SETD3: variants seen among roughly 807,000 people sequenced by gnomAD.
SETD3 encodes SET domain containing 3, actin N3(tau)-histidine methyltransferase, also known as actin-histidine N-methyltransferase.
Under a neutral mutation model 63.0 loss-of-function variants are expected in SETD3, and 19 were observed. That is an observed-to-expected ratio of 0.30 (90% CI 0.21 to 0.44). The LOEUF is 0.44. SETD3 is among the 20% of genes least tolerant of loss of function. The probability of loss-of-function intolerance (pLI) is 1.00; values close to 1 mark genes in which losing one functional copy is unlikely to be tolerated. For synonymous variants in SETD3, 286 were observed against 264.1 expected, an observed-to-expected ratio of 1.08 and a Z score of -0.80; for missense variants, 587 against 728.5, an observed-to-expected ratio of 0.81 and a Z score of 2.24.
At chr14:99,481,129 C>T (rs1247672931), upstream of SETD3, 1 of 312,034 alleles carries the variant, frequency 3.2e-6, no homozygotes, top group Non-Finnish European at 5.8e-6. Context: ...GAATCTCGAC[C>T]CGGGCCCCGC....
At chr14:99,418,454 GATCA>G (rs1271840913) in intron 6 of SETD3, among the ~76,000 whole-genome samples, 1 of 152,110 alleles carries the variant, frequency 6.6e-6, no homozygotes, top group African/African-American at 2.4e-5. Flanking sequence ...GCAAGGATGA[GATCA>G]GTCACAAACT....
At position 99,399,110 on chromosome 14, in the gene SETD3, A is replaced by C. The variant is rs1480528499; in HGVS notation, c.1354T>G (p.Leu452Val). The C allele has an allele frequency of 1.2e-6, 2 of 1,613,458 alleles. No homozygotes were observed. Among genetic ancestry groups the C allele is most frequent in the South Asian group, 2.2e-5 (2 of 91,050 alleles). Residue 452 changes from leucine to valine, a missense_variant, in exon 13 of 13, where the codon TTG becomes GTG. Physicochemically the swap from Leu to Val is conservative, Grantham distance 32. Coordinates refer to ENST00000331768, the MANE Select transcript of SETD3 (RefSeq NM_032233.3). ...KTTIEEDKSV[L>V]KNHDLSVRAK... ...CGAACAGAAAGATCGTGGTTTTTCA[A>C]GACGGATTTATCTTCCTGGAAAACA... is the stretch of plus-strand genomic sequence containing the variant.
intron 6 of SETD3, among the ~76,000 whole-genome samples, chr14:99,416,825 AAC>A (rs1424668330): frequency 1.3e-5 from 2 of 152,182 alleles, no homozygotes; most frequent in African/African-American, 4.8e-5. Context: ...TGGAGAAATG[AAC>A]CATTGCCGTG....
upstream of SETD3, chr14:99,481,194 C>T (rs1474971371): frequency 2.6e-6 from 1 of 388,592 alleles, no homozygotes. Flanking sequence ...CCTTTTCGCC[C>T]CGAGGGGCGG....
intron 11 of SETD3, among the ~76,000 whole-genome samples, chr14:99,400,952 C>A (rs1891356710): frequency 6.6e-6 from 1 of 152,126 alleles, no homozygotes; most frequent in Non-Finnish European, 1.5e-5. Flanking sequence ...CCAACCTGGG[C>A]AATGTGGCGA....
At chr14:99,450,916 C>A (rs1425327899) in intron 6 of SETD3, among the ~76,000 whole-genome samples, 1 of 152,184 alleles carries the variant, frequency 6.6e-6, no homozygotes, top group African/African-American at 2.4e-5. Flanking sequence ...GTACATGTCT[C>A]TAAGATAAGC....
intron 8 of SETD3, chr14:99,411,341 AG>A (rs1279553372): frequency 2.6e-5 from 4 of 152,162 alleles, no homozygotes; most frequent in African/African-American, 9.7e-5. Context: ...GTAGGGAAAA[AG>A]GAATTGTTTT....
At chr14:99,450,855 C>T (rs1894419035) in intron 6 of SETD3, among the ~76,000 whole-genome samples, 1 of 152,144 alleles carries the variant, frequency 6.6e-6, no homozygotes, top group African/African-American at 2.4e-5. Context: ...ACCCTGTATG[C>T]CTGCATTTAC....
chr14:99,463,645 G>C, intron 2 of SETD3, 67 bp from the exon 3 acceptor site: 1 of 1,299,170 alleles, frequency 7.7e-7, no homozygotes, highest in South Asian at 1.2e-5. Flanking sequence ...GTCTGCACAA[G>C]AAAGAGGATT....
chr14:99,439,905 C>T (rs1893703332), intron 6 of SETD3, among the ~76,000 whole-genome samples: 1 of 152,064 alleles, frequency 6.6e-6, no homozygotes, highest in South Asian at 2.1e-4. Flanking sequence ...CATCCTCTCA[C>T]TTCAGTCTGC....
At chr14:99,441,207 C>T (rs1893791937) in intron 6 of SETD3, among the ~76,000 whole-genome samples, 1 of 152,204 alleles carries the variant, frequency 6.6e-6, no homozygotes, top group African/African-American at 2.4e-5. Context: ...TGGGGTGTGG[C>T]GGATGGGCTG....
Position 99,405,295 on chromosome 14 carries a change from TG to T in SETD3, c.1000del (p.His334ThrfsTer4). The stretch of plus-strand genomic sequence containing the variant: ...TCCAAGCTTTATTTTCACTCTGTCG[TG>T]TGAGTTATTGTCAAAGAAAAAACCA... ...HSGFFFDNNS[H>X]DRVKIKLGVS... On this transcript the variant is annotated frameshift_variant, in exon 10 of 13. Transcript: ENST00000331768. LOFTEE classifies it high-confidence loss of function. 1 of 1,614,204 alleles carries T rather than the reference TG, an allele frequency of 6.2e-7. No homozygotes were observed. Among genetic ancestry groups the T allele is most frequent in the Non-Finnish European group, 8.5e-7 (1 of 1,180,016 alleles).
intron 6 of SETD3, among the ~76,000 whole-genome samples, chr14:99,430,747 G>A (rs532398912): frequency 2.6e-5 from 4 of 152,146 alleles, no homozygotes; most frequent in Admixed American, 6.5e-5. Flanking sequence ...GAGCCCAGGC[G>A]CCACCTTCTC....
At chr14:99,470,465 G>C (rs1425741610) in intron 1 of SETD3, among the ~76,000 whole-genome samples, 2 of 152,202 alleles carry the variant, frequency 1.3e-5, no homozygotes, top group Non-Finnish European at 2.9e-5. Context: ...TGGGGGCAGG[G>C]GGGCTGCCTA....
intron 6 of SETD3, among the ~76,000 whole-genome samples, chr14:99,437,069 C>T (rs1893524197): frequency 6.6e-6 from 1 of 152,226 alleles, no homozygotes; most frequent in African/African-American, 2.4e-5. Flanking sequence ...TTATCACCAA[C>T]TAGGTATGAA....
intron 4 of SETD3, among the ~76,000 whole-genome samples, chr14:99,459,979 G>C (rs528684572): frequency 6.6e-6 from 1 of 152,286 alleles, no homozygotes; most frequent in South Asian, 2.1e-4. Context: ...CCCCACAAAA[G>C]CACATAGTGA....
At chr14:99,471,145 G>GA (rs970620390) in intron 1 of SETD3, among the ~76,000 whole-genome samples, 2 of 151,692 alleles carry the variant, frequency 1.3e-5, no homozygotes, top group Non-Finnish European at 2.9e-5. Flanking sequence ...TCTTGTGGCA[G>GA]AAAAAAAACC....
rs1891211476 is a variant in SETD3, at chr14:99,398,683, T to A, written c.1781A>T (p.Glu594Val). ...CCCATCCAGCTTCACCTCGAGCTAC[T>A]CCTTAACTCCAGCAGTGCTGTCTGA... Reference protein sequence around the residue: ...SSSDSTAGVKE With the variant: ...SSSDSTAGVKV Residue 594 changes from glutamate to valine, a missense_variant, in exon 13 of 13, where the codon GAG becomes GTG. Coordinates refer to ENST00000331768, the MANE Select transcript of SETD3 (RefSeq NM_032233.3). 6.2e-7 allele frequency: 1 copy of A among 1,612,306 alleles called. No individual in the cohort carries two copies. The highest frequency in any genetic ancestry group is 1.3e-5 in the African/African-American group (1 of 74,824).
At chr14:99,430,705 T>C (rs1893126163) in intron 6 of SETD3, among the ~76,000 whole-genome samples, 1 of 152,212 alleles carries the variant, frequency 6.6e-6, no homozygotes, top group African/African-American at 2.4e-5. Context: ...AAGCAGGTGA[T>C]GCATCAGCGA....
Sources: allele counts gnomAD v4.1 joint callset (sites outside exome capture counted in the v4.1 genomes callset), GRCh38; gene constraint gnomAD v4.1.1; transcripts MANE v1.5; gene names NCBI Gene and HGNC (gene_info 2026-07-23, HGNC 2026-07-21).